Variants in DNM2 observed in about 807,000 individuals in gnomAD.
The protein encoded by DNM2 is dynamin 2.
Under a neutral mutation model 99.0 loss-of-function variants are expected in DNM2, and 15 were observed. That is an observed-to-expected ratio of 0.15 (90% CI 0.10 to 0.23). The LOEUF (loss-of-function observed/expected upper bound fraction) is 0.23. Among genes scored for constraint, DNM2 ranks in the 10% least tolerant of loss-of-function variants. DNM2 has a pLI of 1.00. For missense variants in DNM2, 742 were observed against 1,189.4 expected (o/e 0.62, Z 5.53); for synonymous variants, 525 against 481.2 (o/e 1.09, Z -1.19).
intron 1 of DNM2, among the ~76,000 whole-genome samples, chr19:10,723,971 C>G (rs1172321651): frequency 1.3e-5 from 2 of 152,084 alleles, no homozygotes; most frequent in East Asian, 3.9e-4. Context: ...GTAGTCCCAG[C>G]TACTCAGGAG....
At position 10,775,991 on chromosome 19, in the gene DNM2, C is replaced by T. The variant is rs909460184; in HGVS notation, c.589+85C>T. 33 of 1,529,630 alleles carry T rather than the reference C, an allele frequency of 2.2e-5. 1 individual carries two copies. The highest frequency in any genetic ancestry group is 4.5e-4 in the Middle Eastern group (2 of 4,420). The allele number at this position is 1,529,630 out of a possible 1,614,324, so 94.8% of individuals were successfully genotyped here. A position where few individuals can be genotyped will look rare whatever the true frequency, so the allele number is the denominator to read the frequency against. ...AGCATCCTTGGTTCCAAGTCACTGG[C>T]GTTCTCTTTAATCCATGGCCGCTGT... On this transcript the variant is annotated intron_variant, in intron 4 of 20. Coordinates refer to ENST00000389253, the MANE Select transcript of DNM2 (RefSeq NM_001005361.3). The surrounding 1 kb of genome is among the most constrained non-coding windows in gnomAD (Gnocchi z 4.3).
intron 5 of DNM2, among the ~76,000 whole-genome samples, chr19:10,778,840 A>G (rs2145936904): frequency 6.6e-6 from 1 of 152,288 alleles, no homozygotes; most frequent in Middle Eastern, 3.4e-3. Context: ...GCTGGTAATT[A>G]GATCAGGTTC....
intron 19 of DNM2, 136 bp from the exon 20 acceptor site, chr19:10,829,991 T>C (rs2146208850): frequency 7.6e-7 from 1 of 1,320,502 alleles, no homozygotes; most frequent in Middle Eastern, 2.3e-4. Context: ...GGCGCTCAGG[T>C]TGGGGTGGGA....
chr19:10,810,266 G>C (rs562469830), intron 14 of DNM2: 2 of 152,810 alleles, frequency 1.3e-5, no homozygotes, highest in Non-Finnish European at 2.9e-5. Context: ...CGCCTCTTCT[G>C]TCTCTCCCAC....
intron 16 of DNM2, chr19:10,823,247 A>G (rs1461696371): frequency 2.0e-5 from 3 of 151,274 alleles, no homozygotes; most frequent in Admixed American, 2.0e-4. Context: ...TCTACTAAAA[A>G]TACTAAAATT....
chr19:10,828,562 G>T (rs2073226097), intron 18 of DNM2, among the ~76,000 whole-genome samples: 1 of 151,214 alleles, frequency 6.6e-6, no homozygotes, highest in African/African-American at 2.4e-5. Context: ...ACTCCAACCT[G>T]GGCGACAGTG....
intron 1 of DNM2, among the ~76,000 whole-genome samples, chr19:10,743,073 C>G (rs2069818554): frequency 6.6e-6 from 1 of 151,894 alleles, no homozygotes; most frequent in African/African-American, 2.4e-5. Context: ...GCCACCACGC[C>G]CGGCTAATTT....
chr19:10,791,716 G>A lies in DNM2; in HGVS notation c.993-2004G>A, dbSNP rs187690149. ...GCCTAACCCTCCCCCTCCCCCCGTCGCCCAGTCTGTTGTCTGTCATTAGTT... is the reference window on the plus strand; with the variant it reads ...GCCTAACCCTCCCCCTCCCCCCGTCACCCAGTCTGTTGTCTGTCATTAGTT... On this transcript the variant is annotated intron_variant, in intron 7 of 20. Transcript: ENST00000389253. Among the ~76,000 whole-genome samples the A allele has an allele frequency of 2.7e-3, 411 of 150,978 alleles. 10 individuals carry two copies. The highest frequency in any genetic ancestry group is 0.021 in the Admixed American group (320 of 15,142).
intron 3 of DNM2, among the ~76,000 whole-genome samples, chr19:10,774,156 T>C (rs369328022): frequency 1.4e-4 from 22 of 152,226 alleles, no homozygotes; most frequent in African/African-American, 4.8e-4. Flanking sequence ...AATGCAAACA[T>C]GAGCTGGGTG....
At position 10,759,692 on chromosome 19, in the gene DNM2, C is replaced by T. The variant is rs187568677; in HGVS notation, c.162-46C>T. 455 of 1,612,012 alleles carry T rather than the reference C, an allele frequency of 2.8e-4. 2 individuals are homozygous for T. The Admixed American group carries it at 4.7e-3, about 17-fold the overall frequency. ...ACATGTGGTCACACTTCCTGCCCCT[C>T]GATCCGGACGCAAGAGTAATTTCTG... is the stretch of plus-strand genomic sequence containing the variant. On this transcript the variant is annotated intron_variant, in intron 1 of 20. Transcript: ENST00000389253.
intron 12 of DNM2, among the ~76,000 whole-genome samples, 180 bp from the exon 13 acceptor site, chr19:10,805,732 TTTAC>T (rs1261545426): frequency 4.6e-5 from 7 of 152,138 alleles, no homozygotes; most frequent in Admixed American, 2.6e-4. Context: ...ACCAGATACA[TTTAC>T]TTGTTCCGTG....
Position 10,830,211 on chromosome 19 carries a change from CCT to C in DNM2, c.2377_2378del (p.Leu793AspfsTer30). On this transcript the variant is annotated frameshift_variant, in exon 20 of 21. Transcript: ENST00000389253. LOFTEE classifies it high-confidence loss of function. This position sits in a 1 kb window ranked among gnomAD's most constrained non-coding sequence, Gnocchi z 4.8. ...TGAGGGGCCCCACTCCAGGGCCCCC[CCT>C]GATTCCTGTTCCCGTGGGGGCAGCA... ...AVRGPTPGPP[L>X]IPVPVGAAAS... The C allele has an allele frequency of 1.2e-6, 2 of 1,613,924 alleles. No homozygotes were observed. The highest frequency in any genetic ancestry group is 1.7e-6 in the Non-Finnish European group (2 of 1,179,880).
intron 1 of DNM2, among the ~76,000 whole-genome samples, chr19:10,737,032 C>A (rs139886961): frequency 4.6e-5 from 7 of 152,250 alleles, no homozygotes; most frequent in African/African-American, 1.2e-4. Context: ...CTTACAGTCC[C>A]AGCTACTCAG....
rs1463444538 is a variant in DNM2, at chr19:10,772,112, CT to C, written c.236-366del. Among the ~76,000 whole-genome samples, 1 of 151,142 alleles carries C rather than the reference CT, an allele frequency of 6.6e-6. No individual in the cohort carries two copies. Among genetic ancestry groups the C allele is most frequent in the African/African-American group, 2.4e-5 (1 of 41,006 alleles). ...TTTTATTTTTTTGAGATGGAGTCTT[CT>C]CTGTCTCCCAGGCTAGAGTGCAGTG... On this transcript the variant is annotated intron_variant, in intron 2 of 20. Coordinates refer to ENST00000389253, the MANE Select transcript of DNM2 (RefSeq NM_001005361.3). The surrounding 1 kb of genome is among the most constrained non-coding windows in gnomAD (Gnocchi z 4.9).
At chr19:10,724,201 G>A (rs1337721830) in intron 1 of DNM2, among the ~76,000 whole-genome samples, 4 of 152,046 alleles carry the variant, frequency 2.6e-5, no homozygotes, top group South Asian at 2.1e-4. Flanking sequence ...TCTTTGAGAC[G>A]GAGTCTCACT....
At chr19:10,729,187 A>AT (rs2069219938) in intron 1 of DNM2, among the ~76,000 whole-genome samples, 4 of 147,840 alleles carry the variant, frequency 2.7e-5, no homozygotes, top group South Asian at 2.1e-4. Context: ...AAAAAAAAAA[A>AT]AAATATAAAA....
At chr19:10,719,877 G>T (rs1397417669) in intron 1 of DNM2, among the ~76,000 whole-genome samples, 1 of 152,184 alleles carries the variant, frequency 6.6e-6, no homozygotes, top group Non-Finnish European at 1.5e-5. Flanking sequence ...CTGGCGTAAG[G>T]CCTTGTGTCT....
rs2073064954 is a variant in DNM2, at chr19:10,823,960, G to A, written c.1893+61G>A. ...CCCACCTGGGAGAGGAAGCAGGGCT[G>A]GCTTTCCCCAGGACAGGTCATTTTC... On this transcript the variant is annotated intron_variant, in intron 17 of 20. Transcript: ENST00000389253. 22 of 1,553,602 alleles carry A rather than the reference G, an allele frequency of 1.4e-5. No homozygotes were observed. The South Asian group carries it at 1.8e-4, about 13-fold the overall frequency.
intron 14 of DNM2, chr19:10,809,397 T>C (rs2072461763): frequency 6.6e-6 from 1 of 152,308 alleles, no homozygotes; most frequent in Non-Finnish European, 1.5e-5. Flanking sequence ...CGCCCAGAAT[T>C]CTCACCACAG....
Sources: gnomAD v4.1 joint callset for allele counts (sites outside exome capture counted in the v4.1 genomes callset) on GRCh38, gnomAD v4.1.1 for gene constraint, Gnocchi (gnomAD v3.1) non-coding constraint, MANE v1.5 for transcripts, NCBI Gene and HGNC (gene_info 2026-07-23, HGNC 2026-07-21) for gene names.